RCOR3: variants seen among roughly 807,000 people sequenced by gnomAD.
The protein encoded by RCOR3 is REST corepressor 3.
In RCOR3, 13 loss-of-function variants were observed where a neutral mutation model predicts 64.1. The ratio of observed to expected loss-of-function variants is 0.20; its 90% CI spans 0.13 to 0.32. The LOEUF is 0.32. Ranked by LOEUF, RCOR3 falls within the 10% of genes least tolerant of loss-of-function variation. RCOR3 has a pLI of 1.00. For synonymous variants in RCOR3, 215 were observed against 239.0 expected (o/e 0.90, Z 0.93); for missense variants, 489 against 701.2 (o/e 0.70, Z 3.42).
At chr1:211,300,151 ACC>A in intron 9 of RCOR3, among the ~76,000 whole-genome samples, 1 of 147,150 alleles carries the variant, frequency 6.8e-6, no homozygotes, top group Non-Finnish European at 1.5e-5. Context: ...GCTCTCTGCA[ACC>A]TCCATCTCCT....
chr1:211,314,572 C>T lies in RCOR3; in HGVS notation c.*804C>T, dbSNP rs531483623. ...AGGACTTAATTTGTTGAAATATAAT[C>T]TCTTTAAGTTCCTTGAAAATGGAGT... On this transcript the variant is annotated 3_prime_UTR_variant, in exon 12 of 12. Transcript: ENST00000419091. 1 of 152,256 alleles carries T rather than the reference C, an allele frequency of 6.6e-6. No individual in the cohort carries two copies. The highest frequency in any genetic ancestry group is 1.5e-5 in the Non-Finnish European group (1 of 67,998). The allele number at this position is 152,256 out of a possible 1,614,324, so 9.4% of individuals were successfully genotyped here.
At chr1:211,275,840 C>T (rs1696882635) in intron 4 of RCOR3, among the ~76,000 whole-genome samples, 1 of 152,164 alleles carries the variant, frequency 6.6e-6, no homozygotes, top group African/African-American at 2.4e-5. Flanking sequence ...TACTAAACCC[C>T]AACTGAGCAT....
At chr1:211,269,096 A>G (rs543120052) in intron 2 of RCOR3, among the ~76,000 whole-genome samples, 31 of 152,318 alleles carry the variant, frequency 2.0e-4, no homozygotes, top group African/African-American at 7.2e-4. Context: ...ATTACAGTTT[A>G]ACCTCGGAAT....
At chr1:211,276,734 C>G (rs1474262386) in intron 5 of RCOR3, among the ~76,000 whole-genome samples, 2 of 152,108 alleles carry the variant, frequency 1.3e-5, no homozygotes, top group Non-Finnish European at 2.9e-5. Context: ...ATGTTTCACT[C>G]TTTGACACGA....
At chr1:211,307,004 G>A (rs1480305666) in intron 10 of RCOR3, among the ~76,000 whole-genome samples, 2 of 152,106 alleles carry the variant, frequency 1.3e-5, no homozygotes, top group Non-Finnish European at 2.9e-5. Context: ...CCAACCCTAA[G>A]TATCTAAATT....
chr1:211,289,640 A>G (rs569510138), intron 8 of RCOR3, among the ~76,000 whole-genome samples: 1 of 152,232 alleles, frequency 6.6e-6, no homozygotes, highest in Admixed American at 6.5e-5. Flanking sequence ...GTAAGCTTCA[A>G]TGTTCTATCT....
At chr1:211,280,828 A>T (rs1437176303) in intron 7 of RCOR3, among the ~76,000 whole-genome samples, 1 of 152,146 alleles carries the variant, frequency 6.6e-6, no homozygotes, top group Non-Finnish European at 1.5e-5. Flanking sequence ...TACTAAAAAT[A>T]CAAAATTAGC....
intron 8 of RCOR3, among the ~76,000 whole-genome samples, chr1:211,294,351 C>T (rs1699603542): frequency 6.6e-6 from 1 of 151,982 alleles, no homozygotes. Context: ...CTCCCACTTC[C>T]ATAAGCAACC....
chr1:211,261,818 G>A (rs1694324958), intron 2 of RCOR3, among the ~76,000 whole-genome samples: 1 of 147,374 alleles, frequency 6.8e-6, no homozygotes, highest in Admixed American at 7.0e-5. Context: ...CTACTCGGGA[G>A]GCTGAGGCAG....
At chr1:211,266,820 A>G (rs1384960193) in intron 2 of RCOR3, among the ~76,000 whole-genome samples, 23 of 152,374 alleles carry the variant, frequency 1.5e-4, no homozygotes, top group Admixed American at 4.6e-4. Context: ...CAAGAGGTAG[A>G]TAAGTTATTT....
rs146640965 is a variant in RCOR3, at chr1:211,297,823, G to A, written c.1017+2070G>A. Reference sequence around the variant, plus strand: ...GATGTGTTTCAGATTAACAAGTACAGTAAAGAACTTGAAGAATCAGGTAAT... The same window carrying A: ...GATGTGTTTCAGATTAACAAGTACAATAAAGAACTTGAAGAATCAGGTAAT... On this transcript the variant is annotated intron_variant, in intron 9 of 11. Transcript: ENST00000419091. Among the ~76,000 whole-genome samples, 231 of 152,278 alleles carry A rather than the reference G, an allele frequency of 1.5e-3. 1 individual carries two copies. The highest frequency in any genetic ancestry group is 5.2e-3 in the African/African-American group (217 of 41,558).
At chr1:211,298,553 A>C (rs1700066110) in intron 9 of RCOR3, among the ~76,000 whole-genome samples, 1 of 152,206 alleles carries the variant, frequency 6.6e-6, no homozygotes, top group African/African-American at 2.4e-5. Context: ...TGGAAATGTA[A>C]AACAGTCTTT....
At chr1:211,297,388 G>A (rs1037163205) in intron 9 of RCOR3, among the ~76,000 whole-genome samples, 1 of 152,050 alleles carries the variant, frequency 6.6e-6, no homozygotes, top group Non-Finnish European at 1.5e-5. Context: ...ACTTGTTCAA[G>A]GTGACAGAAC....
intron 7 of RCOR3, among the ~76,000 whole-genome samples, chr1:211,283,486 T>A (rs1190474141): frequency 6.6e-6 from 1 of 152,240 alleles, no homozygotes; most frequent in Non-Finnish European, 1.5e-5. Context: ...CATTGTATAC[T>A]TCCTTGCCAA....
chr1:211,292,193 T>A (rs1213086296), intron 8 of RCOR3, among the ~76,000 whole-genome samples: 4 of 152,250 alleles, frequency 2.6e-5, no homozygotes, highest in Non-Finnish European at 5.9e-5. Context: ...TTTTGGAATT[T>A]CTTTCACTTG....
At chr1:211,260,251 CG>C in intron 2 of RCOR3, 87 bp downstream of exon 2, 1 of 1,052,416 alleles carries the variant, frequency 9.5e-7, no homozygotes. Flanking sequence ...GGCATGGGGC[CG>C]GGAGGGGATG....
At chr1:211,268,188 T>C (rs766106322) in intron 2 of RCOR3, among the ~76,000 whole-genome samples, 2 of 152,104 alleles carry the variant, frequency 1.3e-5, no homozygotes, top group Non-Finnish European at 2.9e-5. Context: ...ATTCACTTTA[T>C]ATAACATTAG....
rs1216641316 is a variant in RCOR3 at position 211,314,570 on chromosome 1, A to C, written c.*802A>C. On this transcript the variant is annotated 3_prime_UTR_variant, in exon 12 of 12. Transcript: ENST00000419091. ...TGAGGACTTAATTTGTTGAAATATA[A>C]TCTCTTTAAGTTCCTTGAAAATGGA... 6.6e-6 allele frequency: 1 copy of C among 152,188 alleles called. No individual in the cohort carries two copies. Among genetic ancestry groups the C allele is most frequent in the African/African-American group, 2.4e-5 (1 of 41,448 alleles). 9.4% of individuals were successfully genotyped at this position (152,188 alleles called of 1,614,324 possible).
intron 2 of RCOR3, among the ~76,000 whole-genome samples, chr1:211,265,846 G>C (rs187233818): frequency 6.6e-6 from 1 of 152,262 alleles, no homozygotes; most frequent in African/African-American, 2.4e-5. Flanking sequence ...AGTAGTTATG[G>C]TGCCTTGAGT....
Sources: gnomAD v4.1 joint callset for allele counts (sites outside exome capture counted in the v4.1 genomes callset) on GRCh38, gnomAD v4.1.1 for gene constraint, MANE v1.5 for transcripts, NCBI Gene and HGNC (gene_info 2026-07-23, HGNC 2026-07-21) for gene names.